The following METTL23 variants were observed in gnomAD, a reference collection of about 807,000 sequenced individuals.
METTL23 encodes histone-arginine methyltransferase METTL23.
Under a neutral mutation model 21.2 loss-of-function variants are expected in METTL23, and 24 were observed. That is an observed-to-expected ratio of 1.13 (90% confidence interval 0.82 to 1.59). The LOEUF (loss-of-function observed/expected upper bound fraction) is 1.59, where lower values mean the gene tolerates loss of function less well. Among genes scored for constraint, METTL23 ranks in the 40% most tolerant of loss-of-function variants. The pLI is 0.00. For missense variants in METTL23, 276 were observed against 221.4 expected (o/e 1.25, Z -1.57); for synonymous variants, 97 against 75.2 (o/e 1.29, Z -1.50).
upstream of METTL23, chr17:76,726,639 C>T: frequency 2.1e-6 from 2 of 968,778 alleles, no homozygotes; most frequent in Non-Finnish European, 2.9e-6. Context: ...ACTCCCCAGC[C>T]ACCTCCCGAG....
chr17:76,727,117 G>C lies in METTL23; in HGVS notation c.-83G>C. On this transcript the variant is annotated 5_prime_UTR_variant, in exon 1 of 5. Coordinates refer to ENST00000341249, the MANE Select transcript of METTL23 (RefSeq NM_001080510.5). Reference sequence around the variant, plus strand: ...CAGGGGGTCCGGGCCCAGCGCTTTCGATTCTCGGAGGAGCCGGGTCCGGGG... The same window carrying C: ...CAGGGGGTCCGGGCCCAGCGCTTTCCATTCTCGGAGGAGCCGGGTCCGGGG... 1 of 452,934 alleles carries C rather than the reference G, an allele frequency of 2.2e-6. No individual in the cohort carries two copies. The highest frequency in any genetic ancestry group is 4.4e-6 in the Non-Finnish European group (1 of 225,342). 28.1% of individuals were successfully genotyped at this position (452,934 alleles called of 1,614,324 possible). A position where few individuals can be genotyped will look rare whatever the true frequency, so the allele number is the denominator to read the frequency against.
rs1174612416 is a variant in METTL23, at chr17:76,733,291, A to C, written c.323-2A>C. On this transcript the variant is annotated splice_acceptor_variant, in intron 3 of 4. Coordinates refer to ENST00000341249, the MANE Select transcript of METTL23 (RefSeq NM_001080510.5). LOFTEE classifies it high-confidence loss of function. ...ATCTATTCATAAATCCTTTCTCCTC[A>C]GATTTTGAAGACATTTTGGCTACAA... 1 of 1,613,898 alleles carries C rather than the reference A, an allele frequency of 6.2e-7. No homozygotes were observed. The highest frequency in any genetic ancestry group is 2.2e-5 in the East Asian group (1 of 44,884).
chr17:76,726,857 C>T lies in METTL23; in HGVS notation c.-343C>T, dbSNP rs577498542. 2.3e-6 allele frequency: 1 copy of T among 439,400 alleles called. No homozygotes were observed. Among genetic ancestry groups the T allele is most frequent in the African/African-American group, 2.0e-5 (1 of 49,762 alleles). The allele number at this position is 439,400 out of a possible 1,614,324, so 27.2% of individuals were successfully genotyped here. A position where few individuals can be genotyped will look rare whatever the true frequency, so the allele number is the denominator to read the frequency against. On this transcript the variant is annotated 5_prime_UTR_variant, in exon 1 of 5. Coordinates refer to ENST00000341249, the MANE Select transcript of METTL23 (RefSeq NM_001080510.5). ...GCCCATCACTTCCGGTCGCGCCAGC[C>T]GCCCGTTGCCAGTTCTGCGCGTGTG... is the stretch of plus-strand genomic sequence containing the variant.
At chr17:76,732,053 C>T (rs1009398701) in intron 2 of METTL23, among the ~76,000 whole-genome samples, 4 of 152,188 alleles carry the variant, frequency 2.6e-5, no homozygotes, top group African/African-American at 7.2e-5. Flanking sequence ...AACTATAGAA[C>T]ATGCTAACAG....
chr17:76,730,694 G>A (rs902835224), intron 2 of METTL23, among the ~76,000 whole-genome samples: 10 of 152,212 alleles, frequency 6.6e-5, no homozygotes, highest in Non-Finnish European at 7.3e-5. Context: ...CTTGCCGGGC[G>A]CTGTGGCCCA....
intron 2 of METTL23, among the ~76,000 whole-genome samples, chr17:76,730,333 T>C (rs895600697): frequency 6.6e-6 from 1 of 151,790 alleles, no homozygotes; most frequent in Non-Finnish European, 1.5e-5. Flanking sequence ...CTGGGTGTGA[T>C]GGCTCACACC....
chr17:76,733,659 C>A lies in METTL23; in HGVS notation c.546C>A (p.Val182=), dbSNP rs143884158. 2 of 1,613,492 alleles carry A rather than the reference C, an allele frequency of 1.2e-6. No homozygotes were observed. Among genetic ancestry groups the A allele is most frequent in the African/African-American group, 2.7e-5 (2 of 75,022 alleles). Residue 182 remains valine (V), a synonymous_variant, in exon 5 of 5, where the codon GTC becomes GTA. Transcript: ENST00000341249. ...GAAGACATACAGTTGAAATGCTGGT[C>A]ATTTCCTTTGCAAAGGACAGTCTCT... ...LPGRHTVEML[V]ISFAKDSL
chr17:76,728,521 C>T (rs1196158720), intron 1 of METTL23, among the ~76,000 whole-genome samples: 2 of 151,616 alleles, frequency 1.3e-5, no homozygotes, highest in African/African-American at 4.9e-5. Flanking sequence ...AGTGATTCTC[C>T]TGCCTCAGCC....
At chr17:76,730,797 G>A (rs535202056) in intron 2 of METTL23, among the ~76,000 whole-genome samples, 39 of 151,640 alleles carry the variant, frequency 2.6e-4, no homozygotes, top group Middle Eastern at 6.8e-3. Context: ...GTGAAACCCC[G>A]TCTCTACTAT....
At chr17:76,726,443 C>G (rs748413893), upstream of METTL23, 2 of 1,603,772 alleles carry the variant, frequency 1.2e-6, no homozygotes, top group Admixed American at 1.7e-5. Flanking sequence ...TCCGCTTGGC[C>G]TCGCGGATGC....
chr17:76,726,331 C>T (rs1323086665), upstream of METTL23: 5 of 1,559,674 alleles, frequency 3.2e-6, no homozygotes, highest in Non-Finnish European at 4.3e-6. Flanking sequence ...TGGCCACCCC[C>T]GCCCGACCCG....
At chr17:76,730,498 C>T (rs1305808554) in intron 2 of METTL23, among the ~76,000 whole-genome samples, 6 of 152,122 alleles carry the variant, frequency 3.9e-5, no homozygotes, top group Admixed American at 6.5e-5. Context: ...AATATTGACT[C>T]TCTAGCCCTT....
intron 2 of METTL23, 152 bp from the exon 3 acceptor site, chr17:76,732,826 A>G (rs956851202): frequency 1.1e-5 from 7 of 653,134 alleles, no homozygotes; most frequent in Admixed American, 5.5e-5. Context: ...TGTTTATAGT[A>G]ATGTTCAGTT....
At chr17:76,733,266 A>G (rs761749439) in intron 3 of METTL23, 27 bp from the exon 4 acceptor site, 3 of 1,613,376 alleles carry the variant, frequency 1.9e-6, no homozygotes, top group Non-Finnish European at 2.5e-6. Flanking sequence ...CTATATGAAA[A>G]TCTATTCATA....
intron 1 of METTL23, among the ~76,000 whole-genome samples, chr17:76,728,765 T>C (rs543463471): frequency 2.0e-5 from 3 of 150,786 alleles, no homozygotes; most frequent in African/African-American, 4.9e-5. Context: ...GGTGATGATA[T>C]TGCCTGTGAG....
At chr17:76,726,354 G>C, upstream of METTL23, 1 of 1,583,364 alleles carries the variant, frequency 6.3e-7, no homozygotes, top group Non-Finnish European at 8.6e-7. Flanking sequence ...CACCGCCACG[G>C]CCGCCGGGCT....
At chr17:76,731,908 T>C (rs2077221637) in intron 2 of METTL23, among the ~76,000 whole-genome samples, 1 of 152,236 alleles carries the variant, frequency 6.6e-6, no homozygotes, top group African/African-American at 2.4e-5. Context: ...TTTATGCTAA[T>C]ACTTATGAAG....
rs201149370 is a variant in METTL23 at position 76,733,318 on chromosome 17, A to T, written c.348A>T (p.Ile116=). The change falls in exon 4 of 5, where the codon ATA becomes ATT. Residue 116 remains isoleucine, a synonymous_variant. Coordinates refer to ENST00000341249, the MANE Select transcript of METTL23 (RefSeq NM_001080510.5). ...ATTTTGAAGACATTTTGGCTACAATATATTTTTTGATGCACAAGAATCCCA... is the reference window on the plus strand; with the variant it reads ...ATTTTGAAGACATTTTGGCTACAATTTATTTTTTGATGCACAAGAATCCCA... The part of the protein sequence containing the change: ...PEDFEDILAT[I]YFLMHKNPKV... 3.1e-6 allele frequency: 5 copies of T among 1,613,960 alleles called. No homozygotes were observed. Among genetic ancestry groups the T allele is most frequent in the African/African-American group, 2.7e-5 (2 of 75,052 alleles).
chr17:76,733,229 G>C lies in METTL23; in HGVS notation c.322+14G>C. 1 of 1,612,944 alleles carries C rather than the reference G, an allele frequency of 6.2e-7. No homozygotes were observed. Among genetic ancestry groups the C allele is most frequent in the East Asian group, 2.2e-5 (1 of 44,880 alleles). ...TTGAACCAGAAGGTAAGCTTTTTTGGCTCAATAGTACATTTGGCCAGTGAT... is the reference window on the plus strand; with the variant it reads ...TTGAACCAGAAGGTAAGCTTTTTTGCCTCAATAGTACATTTGGCCAGTGAT... On this transcript the variant is annotated intron_variant, in intron 3 of 4. Transcript: ENST00000341249.
Sources: gnomAD v4.1 joint callset for allele counts (sites outside exome capture counted in the v4.1 genomes callset) on GRCh38, gnomAD v4.1.1 for gene constraint, MANE v1.5 for transcripts, NCBI Gene and HGNC (gene_info 2026-07-23, HGNC 2026-07-21) for gene names.